Variants in RTN1 observed in about 807,000 individuals in gnomAD.
The protein encoded by RTN1 is reticulon-1.
A neutral mutation model predicts 65.5 loss-of-function variants in RTN1; 25 were observed. That is an observed-to-expected ratio of 0.38 (90% CI 0.28 to 0.53). The LOEUF (loss-of-function observed/expected upper bound fraction) is 0.53. RTN1 is among the 20% of genes least tolerant of loss of function. RTN1 has a pLI of 0.79. For synonymous variants in RTN1, 471 were observed against 447.6 expected (o/e 1.05, Z -0.66); for missense variants, 983 against 1,025.4 (o/e 0.96, Z 0.57).
At chr14:59,672,687 G>A (rs1390381838) in intron 3 of RTN1, among the ~76,000 whole-genome samples, 1 of 124,028 alleles carries the variant, frequency 8.1e-6, no homozygotes. Flanking sequence ...AGGCCGGACT[G>A]CGGACTGCAG....
chr14:59,597,103 C>T (rs1454285348), intron 8 of RTN1, among the ~76,000 whole-genome samples: 1 of 152,050 alleles, frequency 6.6e-6, no homozygotes, highest in Non-Finnish European at 1.5e-5. Context: ...TTATTTATCC[C>T]CCATCTGGGA....
chr14:59,671,248 T>A (rs1883497647), intron 3 of RTN1, among the ~76,000 whole-genome samples: 1 of 152,192 alleles, frequency 6.6e-6, no homozygotes, highest in Non-Finnish European at 1.5e-5. Context: ...TTTAAAAAAA[T>A]TATAGTTTTA....
intron 3 of RTN1, among the ~76,000 whole-genome samples, chr14:59,725,725 A>C (rs1884743766): frequency 6.6e-6 from 1 of 152,200 alleles, no homozygotes; most frequent in Non-Finnish European, 1.5e-5. Flanking sequence ...AGTCCTCTAG[A>C]TTCCTCTATT....
chr14:59,612,138 T>C (rs942003234), intron 3 of RTN1, among the ~76,000 whole-genome samples: 1 of 152,208 alleles, frequency 6.6e-6, no homozygotes, highest in Non-Finnish European at 1.5e-5. Context: ...ATGTCTGTTT[T>C]GTTATGTGTA....
At chr14:59,777,822 CAAA>C (rs34532344) in intron 1 of RTN1, among the ~76,000 whole-genome samples, 64,695 of 147,160 alleles carry the variant, frequency 0.44, 14,879 homozygotes, top group African/African-American at 0.58. Context: ...ACAACAACAA[CAAA>C]AAAAAAAAAC....
chr14:59,740,894 C>A (rs1342424168), intron 2 of RTN1, among the ~76,000 whole-genome samples: 1 of 152,010 alleles, frequency 6.6e-6, no homozygotes, highest in Non-Finnish European at 1.5e-5. Context: ...GAAAGAGTCA[C>A]CTAAAATCAT....
intron 3 of RTN1, among the ~76,000 whole-genome samples, chr14:59,675,990 GT>G (rs1253127219): frequency 2.0e-5 from 3 of 152,062 alleles, no homozygotes; most frequent in South Asian, 2.1e-4. Flanking sequence ...TTAATGCTGT[GT>G]TAGGTACCAC....
intron 1 of RTN1, among the ~76,000 whole-genome samples, chr14:59,847,876 G>A (rs1037841356): frequency 6.6e-6 from 1 of 152,194 alleles, no homozygotes; most frequent in African/African-American, 2.4e-5. Context: ...AGCTGGCACA[G>A]ATTGCCCAGC....
intron 1 of RTN1, among the ~76,000 whole-genome samples, chr14:59,754,587 C>T (rs1202834966): frequency 2.0e-5 from 3 of 152,086 alleles, no homozygotes; most frequent in South Asian, 2.1e-4. Flanking sequence ...CAATAATAAC[C>T]CCCACCTTAC....
intron 2 of RTN1, among the ~76,000 whole-genome samples, chr14:59,740,212 C>T (rs147233423): frequency 6.6e-6 from 1 of 152,320 alleles, no homozygotes; most frequent in East Asian, 1.9e-4. Flanking sequence ...GTGCCTGGCA[C>T]ACCGGAGGTA....
intron 1 of RTN1, among the ~76,000 whole-genome samples, chr14:59,786,391 C>T (rs1238335739): frequency 2.0e-5 from 3 of 152,246 alleles, no homozygotes; most frequent in East Asian, 1.9e-4. Context: ...ATTAGTATTA[C>T]GAGTAGTAGC....
intron 2 of RTN1, among the ~76,000 whole-genome samples, chr14:59,733,887 A>C (rs1443127414): frequency 6.6e-6 from 1 of 152,242 alleles, no homozygotes; most frequent in Non-Finnish European, 1.5e-5. Flanking sequence ...AAAAGCAGCC[A>C]GACTGCTTCT....
chr14:59,782,038 G>A (rs1007895852), intron 1 of RTN1, among the ~76,000 whole-genome samples: 2 of 152,096 alleles, frequency 1.3e-5, no homozygotes, highest in African/African-American at 4.8e-5. Context: ...AATGGGATTA[G>A]TGCCCTTTTA....
intron 3 of RTN1, among the ~76,000 whole-genome samples, chr14:59,669,519 T>A (rs757810662): frequency 6.6e-6 from 1 of 152,078 alleles, no homozygotes; most frequent in Non-Finnish European, 1.5e-5. Context: ...GATGAGTTGA[T>A]GGATGCAGCA....
chr14:59,765,516 C>G (rs546893159), intron 1 of RTN1, among the ~76,000 whole-genome samples: 30 of 152,256 alleles, frequency 2.0e-4, no homozygotes, highest in Non-Finnish European at 3.8e-4. Context: ...TACAGTCATC[C>G]TTTTTGAATA....
intron 2 of RTN1, among the ~76,000 whole-genome samples, chr14:59,734,188 A>G (rs1884958960): frequency 1.3e-5 from 2 of 152,240 alleles, no homozygotes; most frequent in African/African-American, 4.8e-5. Context: ...AACAAAAAAC[A>G]ACAACAAAAA....
intron 1 of RTN1, among the ~76,000 whole-genome samples, chr14:59,827,330 G>A (rs1264524490): frequency 6.6e-6 from 1 of 152,058 alleles, no homozygotes; most frequent in Non-Finnish European, 1.5e-5. Context: ...CGCCGGCCTC[G>A]GCCTCCCAAA....
At chr14:59,733,563 C>T (rs1803576508) in intron 2 of RTN1, among the ~76,000 whole-genome samples, 1 of 152,194 alleles carries the variant, frequency 6.6e-6, no homozygotes, top group Non-Finnish European at 1.5e-5. Context: ...GGCATTCTAG[C>T]CTGGGGACTT....
At chr14:59,869,239 G>C (rs1887847323) in intron 1 of RTN1, among the ~76,000 whole-genome samples, 1 of 151,606 alleles carries the variant, frequency 6.6e-6, no homozygotes. Flanking sequence ...TTACGAAAAG[G>C]GGTTTCTTTA....
Sources: allele counts gnomAD v4.1 joint callset (sites outside exome capture counted in the v4.1 genomes callset), GRCh38; gene constraint gnomAD v4.1.1; transcripts MANE v1.5; gene names NCBI Gene and HGNC (gene_info 2026-07-23, HGNC 2026-07-21).